CD28: variants seen among roughly 807,000 people sequenced by gnomAD.
CD28 encodes the protein T-cell-specific surface glycoprotein CD28.
In CD28, 8 loss-of-function variants were observed where a neutral mutation model predicts 21.4. The ratio of observed to expected loss-of-function variants is 0.37; its 90% CI spans 0.22 to 0.68. CD28 has a LOEUF of 0.68. CD28 is among the 30% of genes least tolerant of loss of function. The pLI, the probability that CD28 is intolerant of heterozygous loss-of-function variation, is 0.55. For missense variants in CD28, 239 were observed against 272.2 expected, an observed-to-expected ratio of 0.88 and a Z score of 0.86; for synonymous variants, 106 against 104.0, an observed-to-expected ratio of 1.02 and a Z score of -0.12.
chr2:203,735,115 A>C lies in CD28; in HGVS notation c.*203A>C. 1.6e-6 allele frequency: 1 copy of C among 606,954 alleles called. No individual in the cohort carries two copies. Among genetic ancestry groups the C allele is most frequent in the Non-Finnish European group, 2.8e-6 (1 of 353,734 alleles). The allele number at this position is 606,954 out of a possible 1,614,324, so 37.6% of individuals were successfully genotyped here. ...TGAAGTAAAAGAGATTTCCTGTGAC[A>C]GGCCAAGTCTTACAGTGCCATGGCC... On this transcript the variant is annotated 3_prime_UTR_variant, in exon 4 of 4. Transcript: ENST00000324106.
At chr2:203,707,334 A>G (rs3181102) in intron 1 of CD28, among the ~76,000 whole-genome samples, 1 of 151,792 alleles carries the variant, frequency 6.6e-6, no homozygotes, top group Non-Finnish European at 1.5e-5. Context: ...AGTTTCCTTA[A>G]CTGTAAAGTG....
chr2:203,710,195 T>C (rs1277037818), intron 1 of CD28, among the ~76,000 whole-genome samples: 2 of 152,360 alleles, frequency 1.3e-5, no homozygotes, highest in Admixed American at 1.3e-4. Flanking sequence ...GGCCAGTTTT[T>C]CTGTTAAAAG....
chr2:203,724,692 A>G (rs1016417483), intron 1 of CD28, among the ~76,000 whole-genome samples: 3 of 152,188 alleles, frequency 2.0e-5, no homozygotes, highest in Non-Finnish European at 4.4e-5. Flanking sequence ...AGCCAGCATT[A>G]TTGATTATAT....
chr2:203,711,838 T>C (rs1408183528), intron 1 of CD28, among the ~76,000 whole-genome samples: 1 of 152,182 alleles, frequency 6.6e-6, no homozygotes, highest in Non-Finnish European at 1.5e-5. Flanking sequence ...GTATCTCAAC[T>C]TAACAAATAT....
At chr2:203,721,092 A>T (rs1177457628) in intron 1 of CD28, among the ~76,000 whole-genome samples, 1 of 152,240 alleles carries the variant, frequency 6.6e-6, no homozygotes, top group African/African-American at 2.4e-5. Context: ...CTAAACTAGG[A>T]GGCTGTTAGC....
At chr2:203,722,822 C>G (rs1693638068) in intron 1 of CD28, among the ~76,000 whole-genome samples, 1 of 152,190 alleles carries the variant, frequency 6.6e-6, no homozygotes, top group South Asian at 2.1e-4. Flanking sequence ...TAGGAATGCT[C>G]ACAGTCTGTT....
chr2:203,716,005 A>C (rs776841455), intron 1 of CD28, among the ~76,000 whole-genome samples: 4 of 152,066 alleles, frequency 2.6e-5, no homozygotes, highest in Non-Finnish European at 4.4e-5. Context: ...TGCTTGCTGC[A>C]CTCCTCAAGG....
intron 3 of CD28, among the ~76,000 whole-genome samples, chr2:203,731,115 G>T (rs1361233327): frequency 6.6e-6 from 1 of 152,188 alleles, no homozygotes; most frequent in Non-Finnish European, 1.5e-5. Flanking sequence ...AAACAAAGTG[G>T]TTGCTTGTTC....
At chr2:203,720,303 C>T (rs193231535) in intron 1 of CD28, among the ~76,000 whole-genome samples, 2 of 152,328 alleles carry the variant, frequency 1.3e-5, no homozygotes, top group South Asian at 2.1e-4. Flanking sequence ...ACTAAATTCA[C>T]CTTCAAAACA....
intron 1 of CD28, among the ~76,000 whole-genome samples, chr2:203,711,888 A>G (rs1410607458): frequency 1.3e-5 from 2 of 152,184 alleles, no homozygotes; most frequent in African/African-American, 2.4e-5. Flanking sequence ...TCAGAGTTTC[A>G]GAGAATATAA....
intron 2 of CD28, among the ~76,000 whole-genome samples, chr2:203,728,356 A>C (rs1044744654): frequency 6.6e-6 from 1 of 152,354 alleles, no homozygotes; most frequent in Non-Finnish European, 1.5e-5. Flanking sequence ...AGAAGAATAC[A>C]GTATTGGTAG....
At position 203,737,793 on chromosome 2, in the gene CD28, A is replaced by G. The variant is rs200630419; in HGVS notation, c.*2881A>G. 13 of 152,732 alleles carry G rather than the reference A, an allele frequency of 8.5e-5. No homozygotes were observed. Among genetic ancestry groups the G allele is most frequent in the Non-Finnish European group, 1.8e-4 (12 of 68,020 alleles). 9.5% of individuals were successfully genotyped at this position (152,732 alleles called of 1,614,324 possible). ...ATTTAAAGAGACCAAGTGTATGTAC[A>G]TTATGTTCTACATATTCAGTGATAA... On this transcript the variant is annotated 3_prime_UTR_variant, in exon 4 of 4. Transcript: ENST00000324106.
intron 2 of CD28, among the ~76,000 whole-genome samples, chr2:203,727,828 T>C (rs1407606752): frequency 1.3e-5 from 2 of 152,116 alleles, no homozygotes; most frequent in South Asian, 2.1e-4. Context: ...TACAGGTACC[T>C]GCCACCATGC....
intron 1 of CD28, among the ~76,000 whole-genome samples, chr2:203,711,512 A>G (rs1198376516): frequency 6.6e-6 from 1 of 152,134 alleles, no homozygotes; most frequent in African/African-American, 2.4e-5. Context: ...CTGCTCCCTT[A>G]TCTCTGCATT....
At chr2:203,712,799 G>T (rs545965718) in intron 1 of CD28, among the ~76,000 whole-genome samples, 89 of 152,300 alleles carry the variant, frequency 5.8e-4, no homozygotes, top group African/African-American at 2.1e-3. Flanking sequence ...AATGAACGTT[G>T]TTATTAATAA....
chr2:203,710,598 G>C (rs1473694784), intron 1 of CD28, among the ~76,000 whole-genome samples: 1 of 152,074 alleles, frequency 6.6e-6, no homozygotes, highest in Non-Finnish European at 1.5e-5. Flanking sequence ...TTACCATTTG[G>C]CTTTTATCTT....
intron 1 of CD28, among the ~76,000 whole-genome samples, chr2:203,720,080 T>G (rs1043659850): frequency 1.2e-4 from 18 of 152,182 alleles, no homozygotes; most frequent in Non-Finnish European, 1.5e-4. Context: ...AGTCGGCTGT[T>G]TCACAAGATT....
chr2:203,734,263 T>C (rs1050815335), intron 3 of CD28, among the ~76,000 whole-genome samples: 2 of 152,192 alleles, frequency 1.3e-5, no homozygotes, highest in East Asian at 1.9e-4. Flanking sequence ...TAGAAATACA[T>C]ACCCATAAAG....
chr2:203,712,052 C>T (rs560436095), intron 1 of CD28, among the ~76,000 whole-genome samples: 3 of 152,092 alleles, frequency 2.0e-5, no homozygotes, highest in East Asian at 1.9e-4. Flanking sequence ...ATTAGCCAGG[C>T]GTGGTGGTAC....
Sources: allele counts gnomAD v4.1 joint callset (sites outside exome capture counted in the v4.1 genomes callset), GRCh38; gene constraint gnomAD v4.1.1; transcripts MANE v1.5; gene names NCBI Gene and HGNC (gene_info 2026-07-23, HGNC 2026-07-21).